The following NEGR1 variants were observed in gnomAD, a reference collection of about 807,000 sequenced individuals.
NEGR1 encodes the protein neuronal growth regulator 1, also known as IgLON family member 4.
Under a neutral mutation model 40.9 loss-of-function variants are expected in NEGR1, and 10 were observed. The observed-to-expected ratio is 0.24, with a 90% CI of 0.15 to 0.42. The LOEUF (loss-of-function observed/expected upper bound fraction) is 0.42. Among genes scored for constraint, NEGR1 ranks in the 10% least tolerant of loss-of-function variants. The probability of loss-of-function intolerance (pLI) is 1.00; values close to 1 mark genes in which losing one functional copy is unlikely to be tolerated. For missense variants in NEGR1, 352 were observed against 438.9 expected (o/e 0.80, Z 1.77); for synonymous variants, 185 against 166.8 (o/e 1.11, Z -0.84).
intron 1 of NEGR1, among the ~76,000 whole-genome samples, chr1:71,990,685 A>C (rs1257004034): frequency 2.0e-5 from 3 of 152,096 alleles, no homozygotes; most frequent in Non-Finnish European, 2.9e-5. Context: ...TAGTCTACCA[A>C]AGCGACAGAT....
chr1:71,420,105 T>G (rs1646384892), intron 6 of NEGR1, among the ~76,000 whole-genome samples: 1 of 152,060 alleles, frequency 6.6e-6, no homozygotes, highest in South Asian at 2.1e-4. Flanking sequence ...TTGACTATAA[T>G]AAAAATAGCA....
intron 4 of NEGR1, among the ~76,000 whole-genome samples, chr1:71,695,236 A>G (rs1205383916): frequency 6.6e-6 from 1 of 151,812 alleles, no homozygotes; most frequent in African/African-American, 2.4e-5. Flanking sequence ...ATTAAACACA[A>G]TTAGTACTAA....
At chr1:71,861,339 G>A (rs1464028989) in intron 2 of NEGR1, among the ~76,000 whole-genome samples, 1 of 152,032 alleles carries the variant, frequency 6.6e-6, no homozygotes, top group Admixed American at 6.6e-5. Context: ...CAATCTAAGA[G>A]AGGTGGACTG....
intron 1 of NEGR1, among the ~76,000 whole-genome samples, chr1:72,264,453 A>G (rs1306449333): frequency 6.6e-6 from 1 of 151,038 alleles, no homozygotes; most frequent in East Asian, 1.9e-4. Flanking sequence ...TTATATCTTG[A>G]TGCTATTTTA....
chr1:71,449,721 T>C (rs565463055), intron 6 of NEGR1, among the ~76,000 whole-genome samples: 1 of 152,258 alleles, frequency 6.6e-6, no homozygotes, highest in South Asian at 2.1e-4. Flanking sequence ...TTATCTTCAT[T>C]TTATACATGG....
intron 6 of NEGR1, among the ~76,000 whole-genome samples, chr1:71,545,356 C>T (rs1329999079): frequency 6.6e-6 from 1 of 151,610 alleles, no homozygotes; most frequent in Non-Finnish European, 1.5e-5. Context: ...ATGGCAACTG[C>T]CAAATAGGTT....
chr1:71,489,740 G>C (rs147513207), intron 6 of NEGR1: 2 of 149,796 alleles, frequency 1.3e-5, no homozygotes, highest in East Asian at 4.0e-4. Flanking sequence ...TTGTCTAACT[G>C]GCCTTATTTC....
chr1:71,910,411 C>T (rs182942757), intron 2 of NEGR1, among the ~76,000 whole-genome samples: 3 of 152,236 alleles, frequency 2.0e-5, no homozygotes, highest in Non-Finnish European at 4.4e-5. Flanking sequence ...CAAAGACAGA[C>T]GTGATTATTC....
At chr1:71,894,298 T>A (rs1331660183) in intron 2 of NEGR1, among the ~76,000 whole-genome samples, 1 of 151,196 alleles carries the variant, frequency 6.6e-6, no homozygotes, top group African/African-American at 2.4e-5. Flanking sequence ...TGTGCTTGAA[T>A]ACTACAATTC....
intron 1 of NEGR1, among the ~76,000 whole-genome samples, chr1:72,096,612 T>TA (rs1648707984): frequency 1.3e-5 from 2 of 152,052 alleles, no homozygotes; most frequent in Admixed American, 6.6e-5. Flanking sequence ...TCATATAAAA[T>TA]AAAAATCCAG....
chr1:71,942,344 G>A (rs1334042078), intron 1 of NEGR1, among the ~76,000 whole-genome samples: 2 of 147,710 alleles, frequency 1.4e-5, no homozygotes, highest in Non-Finnish European at 3.0e-5. Flanking sequence ...TTTTCATGCA[G>A]AACTATACTT....
chr1:71,696,017 G>GA (rs1157189758), intron 4 of NEGR1, among the ~76,000 whole-genome samples: 2 of 151,714 alleles, frequency 1.3e-5, no homozygotes, highest in African/African-American at 2.4e-5. Flanking sequence ...ACTGATGCAA[G>GA]AAAATGACAA....
At chr1:71,658,901 A>G (rs916911622) in intron 4 of NEGR1, among the ~76,000 whole-genome samples, 1 of 152,166 alleles carries the variant, frequency 6.6e-6, no homozygotes. Context: ...CTAAAATGTG[A>G]AGTAAGGAGT....
At chr1:71,757,955 C>T (rs1184590169) in intron 3 of NEGR1, among the ~76,000 whole-genome samples, 1 of 151,882 alleles carries the variant, frequency 6.6e-6, no homozygotes, top group Non-Finnish European at 1.5e-5. Flanking sequence ...AGTTAAAGCT[C>T]TTAATTTTGG....
intron 1 of NEGR1, among the ~76,000 whole-genome samples, chr1:72,121,221 T>G (rs1190923891): frequency 1.3e-5 from 2 of 152,048 alleles, no homozygotes; most frequent in African/African-American, 2.4e-5. Flanking sequence ...GTCAATCTTT[T>G]TGTCACCTAT....
At chr1:71,988,923 T>TAAAAAAAAAAAAAAAAAAAAAAAAAAAA (rs10604833) in intron 1 of NEGR1, among the ~76,000 whole-genome samples, 3 of 82,258 alleles carry the variant, frequency 3.6e-5, no homozygotes, top group Admixed American at 2.9e-4. Flanking sequence ...TATTGGATGT[T>TAAAAAAAAAAAAAAAAAAAAAAAAAAAA]AAAAAAAAAA....
chr1:71,989,770 A>G (rs1412479731), intron 1 of NEGR1, among the ~76,000 whole-genome samples: 1 of 152,238 alleles, frequency 6.6e-6, no homozygotes, highest in Non-Finnish European at 1.5e-5. Flanking sequence ...ATGAAACAGA[A>G]TAAATAAGAC....
intron 6 of NEGR1, among the ~76,000 whole-genome samples, chr1:71,415,221 A>G (rs1432758187): frequency 1.3e-5 from 2 of 152,042 alleles, no homozygotes; most frequent in Non-Finnish European, 2.9e-5. Context: ...AAAAATAATC[A>G]TTTTTACAGA....
At position 71,650,223 on chromosome 1, in the gene NEGR1, G is replaced by A. The variant is rs142479414; in HGVS notation, c.668-39077C>T. The stretch of plus-strand genomic sequence containing the variant: ...CGATTGAGTCAGCCCATATGGAAAT[G>A]CTGGGATGTTCAACAGAAATTTCAG... On this transcript the variant is annotated intron_variant, in intron 4 of 6. Coordinates refer to ENST00000357731, the MANE Select transcript of NEGR1 (RefSeq NM_173808.3). Among the ~76,000 whole-genome samples the A allele has an allele frequency of 6.5e-3, 990 of 152,236 alleles. 14 individuals carry two copies. Among genetic ancestry groups the A allele is most frequent in the African/African-American group, 0.023 (937 of 41,554 alleles).
Sources: allele counts gnomAD v4.1 joint callset (sites outside exome capture counted in the v4.1 genomes callset), GRCh38; gene constraint gnomAD v4.1.1; transcripts MANE v1.5; gene names NCBI Gene and HGNC (gene_info 2026-07-23, HGNC 2026-07-21).